GABRA5: variants seen among roughly 807,000 people sequenced by gnomAD.
GABRA5 encodes the protein gamma-aminobutyric acid type A receptor subunit alpha5.
A neutral mutation model predicts 47.3 loss-of-function variants in GABRA5; 18 were observed. The observed-to-expected ratio is 0.38, with a 90% CI of 0.26 to 0.56. GABRA5 has a LOEUF of 0.56. Ranked by LOEUF, GABRA5 falls within the 20% of genes least tolerant of loss-of-function variation. The pLI, the probability that GABRA5 is intolerant of heterozygous loss-of-function variation, is 0.71. For synonymous variants in GABRA5, 237 were observed against 229.3 expected, an observed-to-expected ratio of 1.03 and a Z score of -0.30; for missense variants, 365 against 599.3, an observed-to-expected ratio of 0.61 and a Z score of 4.08.
At chr15:26,947,670 C>T (rs1238490426) in intron 10 of GABRA5, among the ~76,000 whole-genome samples, 1 of 152,118 alleles carries the variant, frequency 6.6e-6, no homozygotes, top group Non-Finnish European at 1.5e-5. Flanking sequence ...TTGCAGTGAA[C>T]ATTCTCATGC....
intron 7 of GABRA5, among the ~76,000 whole-genome samples, chr15:26,931,978 T>G (rs1043740333): frequency 2.0e-5 from 3 of 152,138 alleles, no homozygotes; most frequent in African/African-American, 7.2e-5. Flanking sequence ...TCAAGATGGA[T>G]TAAAGATTTA....
intron 6 of GABRA5, among the ~76,000 whole-genome samples, chr15:26,886,659 A>G (rs1230292731): frequency 6.6e-6 from 1 of 152,138 alleles, no homozygotes; most frequent in Admixed American, 6.5e-5. Context: ...CACATTTGAA[A>G]ATTCGAGGGA....
chr15:26,889,782 A>G (rs1296225154), intron 6 of GABRA5, among the ~76,000 whole-genome samples: 2 of 152,246 alleles, frequency 1.3e-5, no homozygotes, highest in African/African-American at 4.8e-5. Flanking sequence ...AAACATAGAA[A>G]ATTACAAAGT....
intron 8 of GABRA5, among the ~76,000 whole-genome samples, chr15:26,938,218 C>T (rs774627411): frequency 3.2e-4 from 49 of 152,308 alleles, no homozygotes; most frequent in Non-Finnish European, 4.6e-4. Flanking sequence ...CATGGGCCTG[C>T]GCGCTGGGCA....
chr15:26,911,060 A>G (rs552244873), intron 6 of GABRA5, among the ~76,000 whole-genome samples: 74 of 152,266 alleles, frequency 4.9e-4, no homozygotes, highest in African/African-American at 1.7e-3. Context: ...ATTTAAATTT[A>G]TTTCCTGACT....
chr15:26,875,320 A>G (rs1892568366), intron 3 of GABRA5, among the ~76,000 whole-genome samples: 1 of 152,180 alleles, frequency 6.6e-6, no homozygotes, highest in African/African-American at 2.4e-5. Flanking sequence ...ATCCTGGGGG[A>G]CATTGCCCTG....
In GABRA5 at chr15:26,886,408, A is replaced by G. The variant is rs912435956; in HGVS notation, c.497+2851A>G. The stretch of plus-strand genomic sequence containing the variant: ...CTGAATGGGATGGAGAGTTAGTGTC[A>G]TTCCTTACAAGGGGAAGAGGCAGGA... On this transcript the variant is annotated intron_variant, in intron 6 of 10. Transcript: ENST00000335625. 4.6e-5 allele frequency among the ~76,000 whole-genome samples: 7 copies of G among 152,180 alleles called. No homozygotes were observed. The East Asian group carries it at 1.2e-3, about 25-fold the overall frequency.
At chr15:26,870,676 T>G (rs1356417373) in intron 3 of GABRA5, among the ~76,000 whole-genome samples, 1 of 152,192 alleles carries the variant, frequency 6.6e-6, no homozygotes, top group Non-Finnish European at 1.5e-5. Flanking sequence ...ATTAAATGAA[T>G]GTTTTCCTTT....
rs578130048 is a variant in GABRA5 at position 26,901,299 on chromosome 15, G to A, written c.498-13504G>A. On this transcript the variant is annotated intron_variant, in intron 6 of 10. Coordinates refer to ENST00000335625, the MANE Select transcript of GABRA5 (RefSeq NM_000810.4). Reference sequence around the variant, plus strand: ...AGCAGTTAATGAGCAAGTTTCTCTTGCTCCACATCCTCTCCAGTGTTTACT... The same window carrying A: ...AGCAGTTAATGAGCAAGTTTCTCTTACTCCACATCCTCTCCAGTGTTTACT... Among the ~76,000 whole-genome samples, 6 of 152,238 alleles carry A rather than the reference G, an allele frequency of 3.9e-5. No homozygotes were observed. In the South Asian group the frequency reaches 1.0e-3, roughly 26 times the overall value.
chr15:26,919,248 A>G (rs572879716), intron 7 of GABRA5, among the ~76,000 whole-genome samples: 2 of 152,326 alleles, frequency 1.3e-5, no homozygotes, highest in Admixed American at 6.5e-5. Flanking sequence ...CATTTAAAGT[A>G]AATACTGATT....
intron 6 of GABRA5, among the ~76,000 whole-genome samples, chr15:26,898,038 C>A (rs1342152898): frequency 1.3e-5 from 2 of 152,090 alleles, no homozygotes; most frequent in Non-Finnish European, 2.9e-5. Context: ...ATTTGCCTGG[C>A]CACTTAGGGG....
intron 3 of GABRA5, 115 bp from the exon 4 acceptor site, chr15:26,880,731 C>T (rs2140252442): frequency 9.4e-7 from 1 of 1,065,364 alleles, no homozygotes. Context: ...GCTGTGTTCT[C>T]AGATCCTCGT....
Position 26,920,484 on chromosome 15 carries a change from T to G in GABRA5, c.580+5599T>G, listed in dbSNP as rs138386300. Among the ~76,000 whole-genome samples, 34 of 152,268 alleles carry G rather than the reference T, an allele frequency of 2.2e-4. No individual in the cohort carries two copies. The East Asian group carries it at 6.4e-3, about 29-fold the overall frequency. On this transcript the variant is annotated intron_variant, in intron 7 of 10. Coordinates refer to ENST00000335625, the MANE Select transcript of GABRA5 (RefSeq NM_000810.4). ...TTAAAAATATTTTCTGTCTTTTTAT[T>G]GAAAATTCACTTTGTTCATATATTG... is the stretch of plus-strand genomic sequence containing the variant.
chr15:26,892,516 T>G (rs1893033944), intron 6 of GABRA5, among the ~76,000 whole-genome samples: 1 of 152,218 alleles, frequency 6.6e-6, no homozygotes, highest in Non-Finnish European at 1.5e-5. Context: ...TCAAGGCAAG[T>G]TAGAGTATTT....
At chr15:26,911,300 C>G (rs1267248386) in intron 6 of GABRA5, among the ~76,000 whole-genome samples, 1 of 151,498 alleles carries the variant, frequency 6.6e-6, no homozygotes, top group African/African-American at 2.4e-5. Context: ...TTAAAAGTGC[C>G]TTTTTTTAGA....
intron 6 of GABRA5, among the ~76,000 whole-genome samples, chr15:26,910,389 C>T (rs1893551389): frequency 6.6e-6 from 1 of 152,092 alleles, no homozygotes; most frequent in Admixed American, 6.6e-5. Context: ...ATCACAAGGT[C>T]AGGAGTTTGA....
rs1156273700 is a variant in GABRA5 at position 26,883,188 on chromosome 15, C to T, written c.231C>T (p.Thr77=). The T allele has an allele frequency of 3.7e-6, 6 of 1,613,864 alleles. No homozygotes were observed. Among genetic ancestry groups the T allele is most frequent in the South Asian group, 3.3e-5 (3 of 91,084 alleles). The change falls in exon 5 of 11, where the codon ACC becomes ACT. Residue 77 remains threonine (T), a synonymous_variant. Transcript: ENST00000335625. The surrounding 1 kb of genome is among the most constrained non-coding windows in gnomAD (Gnocchi z 4.8). ...CAGAGCGCATCACTCAGGTGAGGACCGACATCTACGTCACCAGCTTCGGCC... is the reference window on the plus strand; with the variant it reads ...CAGAGCGCATCACTCAGGTGAGGACTGACATCTACGTCACCAGCTTCGGCC... ...GLGERITQVR[T]DIYVTSFGPV...
chr15:26,900,346 G>T (rs999071097), intron 6 of GABRA5, among the ~76,000 whole-genome samples: 24 of 151,610 alleles, frequency 1.6e-4, no homozygotes, highest in Admixed American at 5.9e-4. Flanking sequence ...ATAAAAAATG[G>T]GTTACAAATC....
At chr15:26,914,196 G>C (rs1163972389) in intron 6 of GABRA5, among the ~76,000 whole-genome samples, 1 of 152,138 alleles carries the variant, frequency 6.6e-6, no homozygotes, top group African/African-American at 2.4e-5. Flanking sequence ...CCAGAAGATT[G>C]TTATGATATT....
Sources: allele counts gnomAD v4.1 joint callset (sites outside exome capture counted in the v4.1 genomes callset), GRCh38; gene constraint gnomAD v4.1.1; non-coding constraint Gnocchi (gnomAD v3.1); transcripts MANE v1.5; gene names NCBI Gene and HGNC (gene_info 2026-07-23, HGNC 2026-07-21).